Variants in NR6A1 observed in about 807,000 individuals in gnomAD.
NR6A1 encodes nuclear receptor subfamily 6 group A member 1.
Under a neutral mutation model 59.1 loss-of-function variants are expected in NR6A1, and 7 were observed. The observed-to-expected ratio is 0.12, with a 90% confidence interval of 0.07 to 0.22. The LOEUF (loss-of-function observed/expected upper bound fraction) is 0.22. Among genes scored for constraint, NR6A1 ranks in the 10% least tolerant of loss-of-function variants. The pLI is 1.00. For missense variants in NR6A1, 468 were observed against 611.6 expected (o/e 0.77, Z 2.48); for synonymous variants, 243 against 236.1 (o/e 1.03, Z -0.27).
chr9:124,732,136 G>A (rs919126304), intron 2 of NR6A1, among the ~76,000 whole-genome samples: 3 of 152,162 alleles, frequency 2.0e-5, no homozygotes, highest in African/African-American at 7.2e-5. Context: ...CTAATAAGGA[G>A]GGCAGAGGCG....
chr9:124,599,216 G>A, intron 2 of NR6A1: 2 of 471,382 alleles, frequency 4.2e-6, no homozygotes, highest in South Asian at 3.9e-5. Flanking sequence ...ACTGAGGCGG[G>A]TGGATAACCT....
chr9:124,619,264 A>T (rs201881992), intron 2 of NR6A1, among the ~76,000 whole-genome samples: 58 of 151,192 alleles, frequency 3.8e-4, no homozygotes, highest in South Asian at 2.4e-3. Flanking sequence ...AATTTTAATT[A>T]AAAAAAAAAT....
At chr9:124,671,191 A>C (rs1837784526) in intron 2 of NR6A1, among the ~76,000 whole-genome samples, 1 of 152,226 alleles carries the variant, frequency 6.6e-6, no homozygotes, top group Admixed American at 6.5e-5. Flanking sequence ...GTTGCACAAC[A>C]AAGTGAATAT....
chr9:124,600,884 A>C (rs1172407546), intron 2 of NR6A1, among the ~76,000 whole-genome samples: 3 of 152,134 alleles, frequency 2.0e-5, no homozygotes, highest in Non-Finnish European at 4.4e-5. Context: ...GAGAAGGAAT[A>C]AAGACGATCT....
chr9:124,767,138 G>GA (rs1427900161), intron 1 of NR6A1, among the ~76,000 whole-genome samples: 2 of 151,844 alleles, frequency 1.3e-5, no homozygotes, highest in African/African-American at 4.8e-5. Context: ...AAAACCCTAG[G>GA]AAAAAAGTAG....
intron 2 of NR6A1, chr9:124,599,303 C>T (rs1022201779): frequency 2.4e-5 from 9 of 375,666 alleles, no homozygotes; most frequent in South Asian, 6.7e-5. Context: ...AATAGCTGGG[C>T]GTGGCGGCGG....
Position 124,710,394 on chromosome 9 carries a change from A to AACAC in NR6A1, c.142+22910_142+22913dup, listed in dbSNP as rs374500577. On this transcript the variant is annotated intron_variant, in intron 2 of 9. Transcript: ENST00000487099. ...ATAAACACCTGTGAATACACAATGA[A>AACAC]ACACACACACACACATACACACACA... Among the ~76,000 whole-genome samples, 12 of 152,032 alleles carry AACAC rather than the reference A, an allele frequency of 7.9e-5. No individual in the cohort carries two copies. The East Asian group carries it at 1.7e-3, about 22-fold the overall frequency.
At chr9:124,704,433 C>A (rs1839062544) in intron 2 of NR6A1, among the ~76,000 whole-genome samples, 1 of 152,120 alleles carries the variant, frequency 6.6e-6, no homozygotes, top group Non-Finnish European at 1.5e-5. Flanking sequence ...TTTTCAGAGA[C>A]AGGGTCTCAC....
chr9:124,729,190 A>G (rs898384840), intron 2 of NR6A1, among the ~76,000 whole-genome samples: 1 of 152,172 alleles, frequency 6.6e-6, no homozygotes, highest in African/African-American at 2.4e-5. Flanking sequence ...ATGCTGTTCT[A>G]TTGAGGGAAA....
At chr9:124,707,045 T>C (rs959836416) in intron 2 of NR6A1, among the ~76,000 whole-genome samples, 1 of 152,248 alleles carries the variant, frequency 6.6e-6, no homozygotes, top group African/African-American at 2.4e-5. Context: ...TGTAGATTAA[T>C]GTTTATCATC....
intron 2 of NR6A1, among the ~76,000 whole-genome samples, chr9:124,692,097 G>A (rs141231545): frequency 6.6e-6 from 1 of 152,172 alleles, no homozygotes; most frequent in Non-Finnish European, 1.5e-5. Flanking sequence ...GGGTTGTTGA[G>A]AATTTAATGA....
At chr9:124,547,921 A>G (rs1833648257) in intron 3 of NR6A1, among the ~76,000 whole-genome samples, 1 of 152,176 alleles carries the variant, frequency 6.6e-6, no homozygotes, top group South Asian at 2.1e-4. Context: ...GGACACTGAG[A>G]TGACTGGCAA....
intron 1 of NR6A1, among the ~76,000 whole-genome samples, chr9:124,762,206 T>A (rs1840801681): frequency 6.6e-6 from 1 of 152,232 alleles, no homozygotes; most frequent in Non-Finnish European, 1.5e-5. Context: ...AAAGGGTTGA[T>A]ATTTATGTGG....
At chr9:124,593,213 G>C (rs918320427) in intron 2 of NR6A1, among the ~76,000 whole-genome samples, 2 of 152,214 alleles carry the variant, frequency 1.3e-5, no homozygotes, top group South Asian at 4.2e-4. Context: ...TATAAGTCTG[G>C]TTTAAATTAT....
intron 4 of NR6A1, among the ~76,000 whole-genome samples, chr9:124,542,292 G>T (rs1833470240): frequency 6.6e-6 from 1 of 152,150 alleles, no homozygotes. Context: ...TAGAAAAAAA[G>T]AATAAACACA....
chr9:124,763,029 T>C (rs1416563829), intron 1 of NR6A1, among the ~76,000 whole-genome samples: 1 of 152,216 alleles, frequency 6.6e-6, no homozygotes, highest in African/African-American at 2.4e-5. Context: ...GAATCAAGTA[T>C]AGTTTAATTA....
In NR6A1 at chr9:124,540,194, C is replaced by G. The variant is rs772166695; in HGVS notation, c.442-7G>C. On this transcript the variant is annotated splice_region_variant and splice_polypyrimidine_tract_variant and intron_variant, in intron 4 of 9. Transcript: ENST00000487099. ...CGATTTCTTCTTCCGATATCTTTGA[C>G]AAGGAATTGAGACATGTTAGATGGG... is the stretch of plus-strand genomic sequence containing the variant. 1.1e-5 allele frequency: 18 copies of G among 1,612,046 alleles called. No homozygotes were observed. Among genetic ancestry groups the G allele is most frequent in the Admixed American group, 5.0e-5 (3 of 59,842 alleles).
chr9:124,588,028 C>G (rs77522268), intron 2 of NR6A1, among the ~76,000 whole-genome samples: 1,573 of 152,268 alleles, frequency 0.01, 26 homozygotes, highest in African/African-American at 0.036. Context: ...ACTCCTCTCT[C>G]CTCAGCTCCT....
intron 2 of NR6A1, among the ~76,000 whole-genome samples, chr9:124,622,731 A>G (rs1464400517): frequency 6.6e-6 from 1 of 152,276 alleles, no homozygotes; most frequent in South Asian, 2.1e-4. Context: ...GGAATGGGGT[A>G]GAGCAACAAA....
Sources: allele counts gnomAD v4.1 joint callset (sites outside exome capture counted in the v4.1 genomes callset), GRCh38; gene constraint gnomAD v4.1.1; transcripts MANE v1.5; gene names NCBI Gene and HGNC (gene_info 2026-07-23, HGNC 2026-07-21).